The following RAVER2 variants were observed in gnomAD, a reference collection of about 807,000 sequenced individuals.
RAVER2 encodes the protein ribonucleoprotein PTB-binding 2.
A neutral mutation model predicts 78.1 loss-of-function variants in RAVER2; 46 were observed. The observed-to-expected ratio is 0.59, with a 90% CI of 0.46 to 0.75. The LOEUF is 0.75. Among genes scored for constraint, RAVER2 ranks in the 30% least tolerant of loss-of-function variants. RAVER2 has a pLI of 0.00. For missense variants in RAVER2, 793 were observed against 837.5 expected (o/e 0.95, Z 0.66); for synonymous variants, 311 against 313.3 (o/e 0.99, Z 0.08).
chr1:64,814,930 T>G, intron 11 of RAVER2, 90 bp downstream of exon 11: 3 of 1,180,164 alleles, frequency 2.5e-6, no homozygotes, highest in Non-Finnish European at 3.4e-6. Flanking sequence ...ATTTCTATAT[T>G]ATTAACGTAG....
intron 3 of RAVER2, among the ~76,000 whole-genome samples, chr1:64,778,914 T>C (rs868810800): frequency 1.2e-4 from 18 of 148,554 alleles, no homozygotes; most frequent in Admixed American, 6.1e-4. Flanking sequence ...TTTCCTAGTA[T>C]TGCAGTAGAA....
At chr1:64,756,908 G>A (rs1651869577) in intron 1 of RAVER2, among the ~76,000 whole-genome samples, 1 of 152,126 alleles carries the variant, frequency 6.6e-6, no homozygotes, top group African/African-American at 2.4e-5. Context: ...ATAAGATTGG[G>A]GTTATAGGTT....
At chr1:64,817,850 A>G (rs1173272801) in intron 11 of RAVER2, among the ~76,000 whole-genome samples, 2 of 152,116 alleles carry the variant, frequency 1.3e-5, no homozygotes, top group Non-Finnish European at 2.9e-5. Flanking sequence ...ATGTATACCT[A>G]TGTAACAAAC....
intron 2 of RAVER2, among the ~76,000 whole-genome samples, chr1:64,776,786 G>A (rs1404121852): frequency 6.6e-6 from 1 of 152,078 alleles, no homozygotes; most frequent in Non-Finnish European, 1.5e-5. Context: ...TAAACAAATT[G>A]ATATGGTTAA....
At position 64,751,612 on chromosome 1, in the gene RAVER2, A is replaced by G. The variant is rs555897732; in HGVS notation, c.249+6191A>G. Among the ~76,000 whole-genome samples, 29 of 152,154 alleles carry G rather than the reference A, an allele frequency of 1.9e-4. 1 individual carries two copies. Among genetic ancestry groups the G allele is most frequent in the Admixed American group, 1.1e-3 (17 of 15,290 alleles). The stretch of plus-strand genomic sequence containing the variant: ...TCATTTTTAGATACGGGATGTTGCT[A>G]TGTTGCCCAGGCTGGAGTGCAGTGG... On this transcript the variant is annotated intron_variant, in intron 1 of 11. Transcript: ENST00000294428.
At chr1:64,769,692 C>T (rs1022536888) in intron 2 of RAVER2, among the ~76,000 whole-genome samples, 4 of 151,994 alleles carry the variant, frequency 2.6e-5, no homozygotes, top group Admixed American at 2.6e-4. Context: ...GTAACAGAAC[C>T]TCTTTCAACC....
intron 1 of RAVER2, among the ~76,000 whole-genome samples, chr1:64,746,267 T>C (rs911450374): frequency 1.1e-4 from 17 of 152,252 alleles, no homozygotes; most frequent in South Asian, 4.1e-4. Context: ...AAGATAACCA[T>C]TGTTATCCTG....
intron 6 of RAVER2, among the ~76,000 whole-genome samples, chr1:64,803,945 GT>G (rs1160118798): frequency 6.6e-6 from 1 of 152,106 alleles, no homozygotes; most frequent in African/African-American, 2.4e-5. Context: ...TATTCCCTGT[GT>G]TTTAAGAGAA....
chr1:64,804,650 G>A, intron 6 of RAVER2, 84 bp from the exon 7 acceptor site: 2 of 664,538 alleles, frequency 3.0e-6, no homozygotes, highest in South Asian at 2.0e-5. Context: ...CAGATCGACT[G>A]GAGAATTGAA....
intron 1 of RAVER2, among the ~76,000 whole-genome samples, chr1:64,753,100 T>TG (rs1404004937): frequency 6.6e-6 from 1 of 152,202 alleles, no homozygotes. Flanking sequence ...GATTAACAGG[T>TG]TGGAGTACAG....
intron 10 of RAVER2, among the ~76,000 whole-genome samples, chr1:64,814,139 G>T (rs1432511681): frequency 1.3e-5 from 2 of 152,096 alleles, no homozygotes; most frequent in South Asian, 2.1e-4. Flanking sequence ...CTGTCACCCA[G>T]TCTGGAGTGC....
Position 64,745,123 on chromosome 1 carries a change from G to A in RAVER2, c.-50G>A, listed in dbSNP as rs1651483902. The A allele has an allele frequency of 9.8e-7, 1 of 1,017,694 alleles. No homozygotes were observed. The highest frequency in any genetic ancestry group is 1.2e-6 in the Non-Finnish European group (1 of 852,150). The allele number at this position is 1,017,694 out of a possible 1,614,324, so 63.0% of individuals were successfully genotyped here. A position where few individuals can be genotyped will look rare whatever the true frequency, so the allele number is the denominator to read the frequency against. On this transcript the variant is annotated 5_prime_UTR_variant, in exon 1 of 12. Transcript: ENST00000294428. This position sits in a 1 kb window ranked among gnomAD's most constrained non-coding sequence, Gnocchi z 4.3. Reference sequence around the variant, plus strand: ...GGGCCTCCTCCCGCTTTCTCTCTCCGCTTCCCCTGGAGCCTCCGAGGAGTC... The same window carrying A: ...GGGCCTCCTCCCGCTTTCTCTCTCCACTTCCCCTGGAGCCTCCGAGGAGTC...
chr1:64,772,032 T>G (rs963480217), intron 2 of RAVER2, among the ~76,000 whole-genome samples: 1 of 152,102 alleles, frequency 6.6e-6, no homozygotes. Flanking sequence ...TAGTAGACCA[T>G]GCAATGACTT....
At position 64,828,172 on chromosome 1, in the gene RAVER2, C is replaced by T. The variant is rs368995753; in HGVS notation, c.1930-2667C>T. Among the ~76,000 whole-genome samples, 30 of 130,378 alleles carry T rather than the reference C, an allele frequency of 2.3e-4. No individual in the cohort carries two copies. The East Asian group carries it at 7.7e-3, about 34-fold the overall frequency. The allele number at this position is 130,378 out of a possible 152,430, so 85.5% of individuals were successfully genotyped here. A position where few individuals can be genotyped will look rare whatever the true frequency, so the allele number is the denominator to read the frequency against. ...TTTCAAACCCACCCCCCCCACCCCCCGCCCATTTTCCTTGTCTGGAAAAAG... is the reference window on the plus strand; with the variant it reads ...TTTCAAACCCACCCCCCCCACCCCCTGCCCATTTTCCTTGTCTGGAAAAAG... On this transcript the variant is annotated intron_variant, in intron 11 of 11. Transcript: ENST00000294428.
chr1:64,775,843 A>AC (rs931826833), intron 2 of RAVER2, among the ~76,000 whole-genome samples: 2 of 151,948 alleles, frequency 1.3e-5, no homozygotes, highest in Non-Finnish European at 2.9e-5. Context: ...ACATGGCGCA[A>AC]CCCCATCTCT....
At chr1:64,749,632 C>T (rs1479256904) in intron 1 of RAVER2, among the ~76,000 whole-genome samples, 1 of 152,126 alleles carries the variant, frequency 6.6e-6, no homozygotes. Context: ...ATAGTGAGTA[C>T]TTTATAGTGA....
At chr1:64,815,869 G>C (rs953526293) in intron 11 of RAVER2, 1 of 152,184 alleles carries the variant, frequency 6.6e-6, no homozygotes, top group African/African-American at 2.4e-5. Context: ...TTAGGTGACA[G>C]TATATCTATA....
At chr1:64,753,176 C>T (rs888256446) in intron 1 of RAVER2, among the ~76,000 whole-genome samples, 5 of 152,164 alleles carry the variant, frequency 3.3e-5, no homozygotes, top group Non-Finnish European at 7.3e-5. Flanking sequence ...ACCTCAGTCT[C>T]CTGAGTATCT....
chr1:64,802,567 A>G (rs1653298931), intron 5 of RAVER2, among the ~76,000 whole-genome samples: 1 of 152,120 alleles, frequency 6.6e-6, no homozygotes, highest in Non-Finnish European at 1.5e-5. Context: ...ATTGGATTTT[A>G]TGTAAGCTTT....
Sources: gnomAD v4.1 joint callset for allele counts (sites outside exome capture counted in the v4.1 genomes callset) on GRCh38, gnomAD v4.1.1 for gene constraint, Gnocchi (gnomAD v3.1) non-coding constraint, MANE v1.5 for transcripts, NCBI Gene and HGNC (gene_info 2026-07-23, HGNC 2026-07-21) for gene names.